The following TTC23 variants were observed in gnomAD, a reference collection of about 807,000 sequenced individuals.
TTC23 encodes tetratricopeptide repeat domain 23, also known as tetratricopeptide repeat protein 23.
A neutral mutation model predicts 55.1 loss-of-function variants in TTC23; 58 were observed. The ratio of observed to expected loss-of-function variants is 1.05; its 90% CI spans 0.85 to 1.31. The LOEUF (loss-of-function observed/expected upper bound fraction) is 1.31. TTC23 is among the 50% of genes most tolerant of loss of function. The pLI is 0.00. For missense variants in TTC23, 516 were observed against 534.4 expected, an observed-to-expected ratio of 0.97 and a Z score of 0.34; for synonymous variants, 203 against 199.9, an observed-to-expected ratio of 1.02 and a Z score of -0.13.
intron 12 of TTC23, chr15:99,140,311 T>C (rs2068077846): frequency 2.0e-5 from 3 of 152,228 alleles, no homozygotes; most frequent in Admixed American, 2.0e-4. Flanking sequence ...CAAGAAAGAT[T>C]TGAAGGACTA....
At chr15:99,220,957 G>A (rs1457378157) in intron 6 of TTC23, among the ~76,000 whole-genome samples, 1 of 152,178 alleles carries the variant, frequency 6.6e-6, no homozygotes, top group Non-Finnish European at 1.5e-5. Flanking sequence ...GAGATGTGGC[G>A]AAGGCCTGCT....
At chr15:99,233,181 T>C (rs1006128155) in intron 4 of TTC23, among the ~76,000 whole-genome samples, 15 of 152,246 alleles carry the variant, frequency 9.9e-5, no homozygotes, top group African/African-American at 3.1e-4. Flanking sequence ...GTGACTACTG[T>C]ATTGTTTCCT....
Position 99,218,887 on chromosome 15 carries a change from C to T in TTC23, c.455+11G>A. On this transcript the variant is annotated intron_variant, in intron 7 of 13. Transcript: ENST00000394132. Reference sequence around the variant, plus strand: ...TATTTCTATTTGTAAAAGTTAGAGGCAAAAGGATACTTTTGAAGGGAGAGT... The same window carrying T: ...TATTTCTATTTGTAAAAGTTAGAGGTAAAAGGATACTTTTGAAGGGAGAGT... 6.2e-7 allele frequency: 1 copy of T among 1,608,920 alleles called. No individual in the cohort carries two copies. Among genetic ancestry groups the T allele is most frequent in the Non-Finnish European group, 8.5e-7 (1 of 1,177,456 alleles).
intron 2 of TTC23, among the ~76,000 whole-genome samples, chr15:99,242,812 C>T (rs1463367373): frequency 2.0e-5 from 3 of 152,102 alleles, no homozygotes; most frequent in African/African-American, 7.2e-5. Flanking sequence ...ACTTCCCCAA[C>T]CTGATAAAAG....
At position 99,139,402 on chromosome 15, in the gene TTC23, G is replaced by GTA. The variant is rs782739694; in HGVS notation, c.1144-5_1144-4dup. On this transcript the variant is annotated splice_polypyrimidine_tract_variant and splice_region_variant and intron_variant, in intron 12 of 13. Transcript: ENST00000394132. ...AAGAGGGTCTGGATCTGGAGACACT[G>GTA]TAGAACACCAAGCAGCTATCATGAG... 29 of 1,614,150 alleles carry GTA rather than the reference G, an allele frequency of 1.8e-5. No individual in the cohort carries two copies. Among genetic ancestry groups the GTA allele is most frequent in the Non-Finnish European group, 2.5e-5 (29 of 1,180,020 alleles).
intron 10 of TTC23, among the ~76,000 whole-genome samples, chr15:99,162,468 G>A (rs994711473): frequency 3.3e-5 from 5 of 152,110 alleles, no homozygotes; most frequent in South Asian, 2.1e-4. Flanking sequence ...GGAAAATGAC[G>A]AGAGAACTAA....
intron 5 of TTC23, among the ~76,000 whole-genome samples, chr15:99,225,542 C>A (rs2078327314): frequency 6.6e-6 from 1 of 152,152 alleles, no homozygotes; most frequent in Admixed American, 6.5e-5. Flanking sequence ...ACGGAACAAT[C>A]CGAGCTTCCA....
At chr15:99,173,186 C>A (rs924762213) in intron 10 of TTC23, among the ~76,000 whole-genome samples, 2 of 152,238 alleles carry the variant, frequency 1.3e-5, no homozygotes, top group Non-Finnish European at 2.9e-5. Flanking sequence ...CAGGAAAGAT[C>A]TGACAGCAAC....
intron 9 of TTC23, among the ~76,000 whole-genome samples, chr15:99,192,415 C>A (rs2075321677): frequency 1.3e-5 from 2 of 152,320 alleles, no homozygotes; most frequent in South Asian, 4.1e-4. Flanking sequence ...AGCCTAGGAA[C>A]TTGATGCCCT....
At chr15:99,168,852 A>G (rs989934174) in intron 10 of TTC23, among the ~76,000 whole-genome samples, 1 of 151,996 alleles carries the variant, frequency 6.6e-6, no homozygotes, top group Non-Finnish European at 1.5e-5. Context: ...AGAGCCCTGC[A>G]CCCTCAGCAG....
chr15:99,164,424 A>G (rs2071780402), intron 10 of TTC23, among the ~76,000 whole-genome samples: 1 of 152,204 alleles, frequency 6.6e-6, no homozygotes, highest in South Asian at 2.1e-4. Flanking sequence ...TCCTCCCCAA[A>G]GAGACATGGG....
At chr15:99,164,291 C>T (rs970155153) in intron 10 of TTC23, among the ~76,000 whole-genome samples, 7 of 152,178 alleles carry the variant, frequency 4.6e-5, no homozygotes, top group Non-Finnish European at 4.4e-5. Context: ...GTAGACAATA[C>T]ATAAATGAAT....
At chr15:99,182,250 A>T (rs2623192) in intron 9 of TTC23, among the ~76,000 whole-genome samples, 9,879 of 48,072 alleles carry the variant, frequency 0.21, 288 homozygotes, top group Non-Finnish European at 0.23. Flanking sequence ...TCTCTCTCTC[A>T]CACACACACA....
intron 1 of TTC23, among the ~76,000 whole-genome samples, chr15:99,247,506 T>C (rs2080351604): frequency 6.6e-6 from 1 of 152,170 alleles, no homozygotes; most frequent in Non-Finnish European, 1.5e-5. Context: ...AAATAAAATG[T>C]GGATTATTAC....
intron 3 of TTC23, among the ~76,000 whole-genome samples, chr15:99,239,926 G>T (rs564617388): frequency 6.6e-6 from 1 of 152,190 alleles, no homozygotes; most frequent in Non-Finnish European, 1.5e-5. Flanking sequence ...TAAAGACGAT[G>T]AAATGAACCT....
At chr15:99,234,629 C>A (rs1316966876) in intron 4 of TTC23, among the ~76,000 whole-genome samples, 1 of 152,130 alleles carries the variant, frequency 6.6e-6, no homozygotes, top group Non-Finnish European at 1.5e-5. Flanking sequence ...GCCTCAGCCT[C>A]CCAAAGTGCT....
chr15:99,219,955 A>G (rs1459450180), intron 6 of TTC23, among the ~76,000 whole-genome samples: 1 of 152,252 alleles, frequency 6.6e-6, no homozygotes, highest in South Asian at 2.1e-4. Flanking sequence ...TATGTGTTTC[A>G]TGTGGGAATT....
At chr15:99,174,908 G>A (rs935333577) in intron 10 of TTC23, 142 bp downstream of exon 10, 1 of 638,190 alleles carries the variant, frequency 1.6e-6, no homozygotes, top group African/African-American at 1.8e-5. Context: ...GAGTAGCATA[G>A]GGGCAGATGA....
chr15:99,216,148 G>C (rs1190647378), intron 8 of TTC23, among the ~76,000 whole-genome samples: 12 of 152,100 alleles, frequency 7.9e-5, no homozygotes, highest in Admixed American at 7.9e-4. Flanking sequence ...AAGATATCTT[G>C]AAAACTCTCA....
Sources: gnomAD v4.1 joint callset for allele counts (sites outside exome capture counted in the v4.1 genomes callset) on GRCh38, gnomAD v4.1.1 for gene constraint, MANE v1.5 for transcripts, NCBI Gene and HGNC (gene_info 2026-07-23, HGNC 2026-07-21) for gene names.